Variants in RIPOR3 observed in about 807,000 individuals in gnomAD.
RIPOR3 encodes the protein RIPOR family member 3, also known as family with sequence similarity 65 member C.
RIPOR3 carries 95 observed loss-of-function variants against 114.3 expected under a neutral mutation model. That is an observed-to-expected ratio of 0.83 (90% CI 0.70 to 0.99). The LOEUF (loss-of-function observed/expected upper bound fraction) is 0.99. Among genes scored for constraint, RIPOR3 ranks in the 50% least tolerant of loss-of-function variants. The probability of loss-of-function intolerance (pLI) is 0.00; values close to 1 mark genes in which losing one functional copy is unlikely to be tolerated. For synonymous variants in RIPOR3, 575 were observed against 543.8 expected, an observed-to-expected ratio of 1.06 and a Z score of -0.80; for missense variants, 1,252 against 1,266.9, an observed-to-expected ratio of 0.99 and a Z score of 0.18.
At chr20:50,596,739 C>T (rs748478830) in intron 14 of RIPOR3, among the ~76,000 whole-genome samples, 71 of 152,196 alleles carry the variant, frequency 4.7e-4, no homozygotes, top group Non-Finnish European at 9.1e-4. Flanking sequence ...AAGTGTGGCA[C>T]GAAACACCGC....
chr20:50,669,993 C>G (rs1381004010), intron 1 of RIPOR3, among the ~76,000 whole-genome samples: 1 of 145,512 alleles, frequency 6.9e-6, no homozygotes, highest in Admixed American at 7.2e-5. Context: ...CCCATCTCTA[C>G]TAAAAATACA....
chr20:50,603,712 A>G (rs1432276213), intron 12 of RIPOR3, among the ~76,000 whole-genome samples: 1 of 152,200 alleles, frequency 6.6e-6, no homozygotes, highest in Non-Finnish European at 1.5e-5. Context: ...AGAGGTCCTT[A>G]GGCCACACGG....
In RIPOR3 at chr20:50,617,540, C is replaced by G. The variant is rs144599149; in HGVS notation, c.270-1460G>C. Among the ~76,000 whole-genome samples the G allele has an allele frequency of 3.1e-3, 478 of 152,184 alleles. 9 individuals carry two copies. The highest frequency in any genetic ancestry group is 0.01 in the East Asian group (52 of 5,154). Reference sequence around the variant, plus strand: ...TCAAGGAATCTGCCTGCCTCGGCCCCCCAAAGTGCTGGGATTACAGGGTAG... The same window carrying G: ...TCAAGGAATCTGCCTGCCTCGGCCCGCCAAAGTGCTGGGATTACAGGGTAG... On this transcript the variant is annotated intron_variant, in intron 3 of 21. Transcript: ENST00000327979.
chr20:50,670,411 G>A (rs1051583834), intron 1 of RIPOR3, among the ~76,000 whole-genome samples: 1 of 144,022 alleles, frequency 6.9e-6, no homozygotes, highest in African/African-American at 2.6e-5. Flanking sequence ...AAAGCTGGGA[G>A]GAGCAGAAGG....
In RIPOR3 at chr20:50,587,783, A is replaced by G. The variant is rs962809148; in HGVS notation, c.2752+19T>C. ...CCCCAGGCACCCCGCTGCGCTGCAC[A>G]GTTTGTGCCACTTTTTACCGAACGA... On this transcript the variant is annotated intron_variant, in intron 21 of 21. Transcript: ENST00000327979. 3.1e-6 allele frequency: 5 copies of G among 1,613,510 alleles called. No individual in the cohort carries two copies. In the South Asian group the frequency reaches 4.4e-5, roughly 14 times the overall value.
chr20:50,629,505 C>T (rs2084742788), intron 2 of RIPOR3, among the ~76,000 whole-genome samples: 2 of 152,200 alleles, frequency 1.3e-5, no homozygotes, highest in South Asian at 4.1e-4. Context: ...AAACAACCTT[C>T]CTCCCAGGGA....
chr20:50,609,648 G>T lies in RIPOR3; in HGVS notation c.501C>A (p.Phe167Leu). 3 of 1,399,442 alleles carry T rather than the reference G, an allele frequency of 2.1e-6. No individual in the cohort carries two copies. The highest frequency in any genetic ancestry group is 6.9e-5 in the Admixed American group (2 of 29,170). 86.7% of individuals were successfully genotyped at this position (1,399,442 alleles called of 1,614,324 possible). A position where few individuals can be genotyped will look rare whatever the true frequency, so the allele number is the denominator to read the frequency against. The change falls in exon 7 of 22, where the codon TTC (phenylalanine) becomes TTA (leucine). Residue 167 changes from phenylalanine to leucine, a missense_variant. By Grantham distance (22) the Phe-to-Leu change is conservative (BLOSUM62 0). Transcript: ENST00000327979. Reference protein sequence around the residue: ...RDGASSMQRAFARCPPSRAAR... With the variant: ...RDGASSMQRALARCPPSRAAR... ...CTGCGCGGCTCGGGGGGCACCGGGCGAAGGCCCGCTGCATGCTGGAGGCGC... is the reference window on the plus strand; with the variant it reads ...CTGCGCGGCTCGGGGGGCACCGGGCTAAGGCCCGCTGCATGCTGGAGGCGC...
intron 1 of RIPOR3, among the ~76,000 whole-genome samples, chr20:50,689,455 C>T (rs747945376): frequency 1.8e-4 from 27 of 152,164 alleles, no homozygotes; most frequent in Non-Finnish European, 3.2e-4. Flanking sequence ...AGATTACAGG[C>T]GTGAGCCACC....
At chr20:50,674,461 G>A (rs1245892840) in intron 1 of RIPOR3, among the ~76,000 whole-genome samples, 3 of 151,624 alleles carry the variant, frequency 2.0e-5, no homozygotes, top group African/African-American at 7.3e-5. Flanking sequence ...CGTAGTAAGA[G>A]GAGTATTAGT....
intron 1 of RIPOR3, among the ~76,000 whole-genome samples, chr20:50,681,238 A>AAAAAAAAAG (rs2086849190): frequency 8.0e-6 from 1 of 124,586 alleles, no homozygotes; most frequent in Non-Finnish European, 1.6e-5. Flanking sequence ...AAAAAAAAAA[A>AAAAAAAAAG]AAAAGAAAAG....
At chr20:50,599,373 C>T (rs1490514491) in intron 13 of RIPOR3, among the ~76,000 whole-genome samples, 1 of 151,034 alleles carries the variant, frequency 6.6e-6, no homozygotes, top group African/African-American at 2.4e-5. Context: ...GCCTGGACAA[C>T]AGAGTGAGAC....
chr20:50,611,573 G>A (rs1490757305), intron 4 of RIPOR3, among the ~76,000 whole-genome samples: 1 of 152,158 alleles, frequency 6.6e-6, no homozygotes, highest in Non-Finnish European at 1.5e-5. Flanking sequence ...GACAAAATGG[G>A]AACCATTGAG....
At position 50,616,902 on chromosome 20, in the gene RIPOR3, G is replaced by T. The variant is rs562617451; in HGVS notation, c.270-822C>A. ...TGACGCCTGTAATCCTAACACTTTG[G>T]GAGGCCGAGGTGGGCGGATCACAAG... On this transcript the variant is annotated intron_variant, in intron 3 of 21. Transcript: ENST00000327979. 7.2e-5 allele frequency among the ~76,000 whole-genome samples: 11 copies of T among 152,294 alleles called. No homozygotes were observed. The East Asian group carries it at 2.1e-3, about 29-fold the overall frequency.
intron 1 of RIPOR3, among the ~76,000 whole-genome samples, chr20:50,649,162 A>G (rs6063541): frequency 0.93 from 141,144 of 152,202 alleles, 65,609 homozygotes; most frequent in East Asian, 1. Context: ...ATTGAATTAG[A>G]GGCAGGGCAC....
chr20:50,604,105 C>T (rs2083604599), intron 12 of RIPOR3, among the ~76,000 whole-genome samples: 1 of 151,506 alleles, frequency 6.6e-6, no homozygotes, highest in Non-Finnish European at 1.5e-5. Flanking sequence ...TCGCTTGAAC[C>T]TGGGAGGAGG....
At chr20:50,624,305 AGGCAGGTTTCTGAGAGGTTAGGGACCCC>A (rs961893203) in intron 2 of RIPOR3, among the ~76,000 whole-genome samples, 5 of 152,096 alleles carry the variant, frequency 3.3e-5, no homozygotes, top group African/African-American at 1.2e-4. Context: ...ACTCGGGAAA[AGGCAGGTTTCTGAGAGGTTAGGGACCCC>A]GGCAGGTGGG....
At chr20:50,619,168 G>A (rs918196477) in intron 3 of RIPOR3, among the ~76,000 whole-genome samples, 1 of 152,122 alleles carries the variant, frequency 6.6e-6, no homozygotes, top group African/African-American at 2.4e-5. Context: ...AGGAGGCTAT[G>A]CCAGGTGCAG....
chr20:50,658,761 C>T (rs6020668), intron 1 of RIPOR3, among the ~76,000 whole-genome samples: 2,233 of 152,146 alleles, frequency 0.015, 60 homozygotes, highest in African/African-American at 0.051. Context: ...GTTATTATTA[C>T]CCTCCAGCCT....
rs1200293812 is a variant in RIPOR3, at chr20:50,620,014, T to G, written c.241A>C (p.Ile81Leu). The change falls in exon 3 of 22, where the codon ATC (isoleucine) becomes CTC (leucine). Residue 81 changes from isoleucine to leucine, a missense_variant. Ile to Leu is a conservative substitution (Grantham distance 5, BLOSUM62 2). Coordinates refer to ENST00000327979, the MANE Select transcript of RIPOR3 (RefSeq NM_001290268.2). ...ADPKPQQVKKIFEALKRGLKE... is the reference protein window; with the variant it reads ...ADPKPQQVKKLFEALKRGLKE... ...AGGCCTCTTTTCAATGCTTCGAAGA[T>G]CTTCTTCACCTGCTGGGGCTTCGGG... 1 of 1,613,092 alleles carries G rather than the reference T, an allele frequency of 6.2e-7. No individual in the cohort carries two copies. Among genetic ancestry groups the G allele is most frequent in the Non-Finnish European group, 8.5e-7 (1 of 1,179,128 alleles).
Sources: gnomAD v4.1 joint callset for allele counts (sites outside exome capture counted in the v4.1 genomes callset) on GRCh38, gnomAD v4.1.1 for gene constraint, MANE v1.5 for transcripts, NCBI Gene and HGNC (gene_info 2026-07-23, HGNC 2026-07-21) for gene names.